Variants in SLCO1B3 observed in about 807,000 individuals in gnomAD.
The protein encoded by SLCO1B3 is liver-specific organic anion transporter 2.
SLCO1B3 carries 72 observed loss-of-function variants against 71.8 expected under a neutral mutation model. The ratio of observed to expected loss-of-function variants is 1.00; its 90% CI spans 0.83 to 1.22. The LOEUF (loss-of-function observed/expected upper bound fraction) is 1.22. Ranked by LOEUF, SLCO1B3 falls within the 50% of genes most tolerant of loss-of-function variation. The probability of loss-of-function intolerance (pLI) is 0.00; values close to 1 mark genes in which losing one functional copy is unlikely to be tolerated. For synonymous variants in SLCO1B3, 298 were observed against 278.4 expected (o/e 1.07, Z -0.70); for missense variants, 911 against 819.7 (o/e 1.11, Z -1.36).
intron 3 of SLCO1B3, among the ~76,000 whole-genome samples, chr12:20,843,096 G>T (rs555859200): frequency 6.6e-6 from 1 of 152,140 alleles, no homozygotes; most frequent in South Asian, 2.1e-4. Flanking sequence ...TTTAATAGAA[G>T]CCCCAAACAT....
At chr12:20,894,708 C>G (rs1165048193) in intron 13 of SLCO1B3, among the ~76,000 whole-genome samples, 1 of 152,188 alleles carries the variant, frequency 6.6e-6, no homozygotes, top group Non-Finnish European at 1.5e-5. Context: ...TTTGAGAAAT[C>G]TGATATTTGA....
In SLCO1B3 at chr12:20,916,422, G is replaced by C. The variant is rs1448159474; in HGVS notation, c.*175G>C. On this transcript the variant is annotated 3_prime_UTR_variant, in exon 16 of 16. Transcript: ENST00000381545. ...AGCTATGCCTTTATGGTTAAGATTA[G>C]AATATATGATCCATAAAAATTTAAA... 1.1e-5 allele frequency: 6 copies of C among 529,710 alleles called. No homozygotes were observed. Among genetic ancestry groups the C allele is most frequent in the Admixed American group, 1.0e-4 (3 of 29,754 alleles). The allele number at this position is 529,710 out of a possible 1,614,324, so 32.8% of individuals were successfully genotyped here. A position where few individuals can be genotyped will look rare whatever the true frequency, so the allele number is the denominator to read the frequency against.
At chr12:20,874,989 A>G (rs904361049) in intron 8 of SLCO1B3, among the ~76,000 whole-genome samples, 1 of 152,218 alleles carries the variant, frequency 6.6e-6, no homozygotes, top group Non-Finnish European at 1.5e-5. Flanking sequence ...CACCAAGTGC[A>G]CACAAGATCA....
intron 3 of SLCO1B3, among the ~76,000 whole-genome samples, chr12:20,847,120 G>A (rs1021717353): frequency 6.6e-6 from 1 of 151,960 alleles, no homozygotes; most frequent in Non-Finnish European, 1.5e-5. Context: ...CATATGCCCA[G>A]GGTAGTAGAC....
intron 2 of SLCO1B3, among the ~76,000 whole-genome samples, chr12:20,814,977 TTTTC>T (rs1486341645): frequency 2.5e-3 from 64 of 25,846 alleles, no homozygotes; most frequent in Admixed American, 0.012. Context: ...TTTTCTTTTC[TTTTC>T]TTTTTTTTTT....
intron 8 of SLCO1B3, among the ~76,000 whole-genome samples, chr12:20,867,568 TGAG>T (rs367893968): frequency 3.1e-4 from 47 of 152,214 alleles, no homozygotes; most frequent in African/African-American, 1.1e-3. Context: ...TGTCAGATGA[TGAG>T]GAAGAAGACA....
chr12:20,818,484 A>G (rs917900345), intron 3 of SLCO1B3, among the ~76,000 whole-genome samples: 2 of 152,026 alleles, frequency 1.3e-5, no homozygotes, highest in African/African-American at 4.8e-5. Flanking sequence ...ACAAAGAGGT[A>G]TTTTAGTTTT....
intron 14 of SLCO1B3, among the ~76,000 whole-genome samples, chr12:20,898,836 G>A (rs1416459391): frequency 1.3e-5 from 2 of 152,140 alleles, no homozygotes; most frequent in African/African-American, 4.8e-5. Context: ...TACGCAGAGT[G>A]GAGGACCTTC....
chr12:20,820,436 G>T (rs1186405164), intron 3 of SLCO1B3, among the ~76,000 whole-genome samples: 1 of 152,164 alleles, frequency 6.6e-6, no homozygotes, highest in Non-Finnish European at 1.5e-5. Flanking sequence ...GCATTACTTG[G>T]CCTGGTGGTC....
intron 3 of SLCO1B3, among the ~76,000 whole-genome samples, chr12:20,830,146 A>G (rs1014907125): frequency 2.0e-5 from 3 of 152,144 alleles, no homozygotes; most frequent in African/African-American, 7.2e-5. Flanking sequence ...AGTGTGAGCA[A>G]TGAAGATAGC....
intron 8 of SLCO1B3, among the ~76,000 whole-genome samples, chr12:20,867,853 G>C (rs766358597): frequency 4.6e-5 from 7 of 152,054 alleles, no homozygotes; most frequent in Non-Finnish European, 7.4e-5. Flanking sequence ...ATGTGTTTCT[G>C]TAAAGCCACA....
chr12:20,834,422 G>GGTTATATATAATATAACCTTTGGTAGAA (rs1864627656), intron 3 of SLCO1B3, among the ~76,000 whole-genome samples: 1 of 144,936 alleles, frequency 6.9e-6, no homozygotes, highest in Non-Finnish European at 1.5e-5. Context: ...CTTTGGTAGA[G>GGTTATATATAATATAACCTTTGGTAGAA]TAACAGGTTA....
rs201736270 is a variant in SLCO1B3, at chr12:20,862,864, A to G, written c.727+10A>G. The G allele has an allele frequency of 2.8e-4, 404 of 1,450,668 alleles. No homozygotes were observed. The highest frequency in any genetic ancestry group is 8.8e-4 in the East Asian group (39 of 44,086). The allele number at this position is 1,450,668 out of a possible 1,614,324, so 89.9% of individuals were successfully genotyped here. A position where few individuals can be genotyped will look rare whatever the true frequency, so the allele number is the denominator to read the frequency against. On this transcript the variant is annotated intron_variant, in intron 8 of 15. Coordinates refer to ENST00000381545, the MANE Select transcript of SLCO1B3 (RefSeq NM_019844.4). ...GGATATGTAGATCTGAGTAAGTACA[A>G]TTAGAACAAGGTACCATGATAGTGT...
At chr12:20,895,439 A>T (rs1047596714) in intron 13 of SLCO1B3, among the ~76,000 whole-genome samples, 1 of 152,158 alleles carries the variant, frequency 6.6e-6, no homozygotes, top group Non-Finnish European at 1.5e-5. Context: ...AGGCCAAAAC[A>T]AAGGGGCTAC....
intron 13 of SLCO1B3, among the ~76,000 whole-genome samples, chr12:20,894,589 C>T (rs150029562): frequency 2.0e-5 from 3 of 152,074 alleles, no homozygotes; most frequent in Admixed American, 6.6e-5. Context: ...TGTAGTATAC[C>T]GACAAAGTGT....
At chr12:20,891,609 C>G (rs1043245612) in intron 13 of SLCO1B3, among the ~76,000 whole-genome samples, 4 of 152,072 alleles carry the variant, frequency 2.6e-5, no homozygotes, top group Non-Finnish European at 4.4e-5. Flanking sequence ...TTCTTTCAAA[C>G]AAGTTTCCCA....
chr12:20,896,689 T>C (rs887190896), intron 13 of SLCO1B3, among the ~76,000 whole-genome samples: 5 of 152,170 alleles, frequency 3.3e-5, no homozygotes, highest in Non-Finnish European at 7.4e-5. Flanking sequence ...CCTCTGCCTG[T>C]TACCCAGTTC....
At chr12:20,857,424 A>G (rs888025505) in intron 4 of SLCO1B3, among the ~76,000 whole-genome samples, 3 of 151,634 alleles carry the variant, frequency 2.0e-5, no homozygotes, top group Non-Finnish European at 2.9e-5. Context: ...TTTCCTTTAA[A>G]ATTTTTTCCT....
chr12:20,832,851 A>G (rs1864572543), intron 3 of SLCO1B3, among the ~76,000 whole-genome samples: 1 of 152,230 alleles, frequency 6.6e-6, no homozygotes. Context: ...CTTGATTTTC[A>G]TAGTATTTAT....
Sources: gnomAD v4.1 joint callset for allele counts (sites outside exome capture counted in the v4.1 genomes callset) on GRCh38, gnomAD v4.1.1 for gene constraint, MANE v1.5 for transcripts, NCBI Gene and HGNC (gene_info 2026-07-23, HGNC 2026-07-21) for gene names.